The following LRBA variants were observed in gnomAD, a reference collection of about 807,000 sequenced individuals.
LRBA encodes LPS responsive beige-like anchor protein.
A neutral mutation model predicts 330.0 loss-of-function variants in LRBA; 176 were observed. That is an observed-to-expected ratio of 0.53 (90% CI 0.47 to 0.60). The LOEUF (loss-of-function observed/expected upper bound fraction) is 0.60. Ranked by LOEUF, LRBA falls within the 20% of genes least tolerant of loss-of-function variation. The pLI, the probability that LRBA is intolerant of heterozygous loss-of-function variation, is 0.00. For missense variants in LRBA, 3,259 were observed against 3,444.8 expected, an observed-to-expected ratio of 0.95 and a Z score of 1.35; for synonymous variants, 1,230 against 1,193.0, an observed-to-expected ratio of 1.03 and a Z score of -0.64.
rs192281560 is a variant in LRBA at position 150,817,116 on chromosome 4, T to G, written c.5305+8A>C. 1 of 1,609,596 alleles carries G rather than the reference T, an allele frequency of 6.2e-7. No homozygotes were observed. ...CATTTTTGTTGAAATCACTGATAACTAACTCACCTGGTGATTCTCCTCCCA... is the reference window on the plus strand; with the variant it reads ...CATTTTTGTTGAAATCACTGATAACGAACTCACCTGGTGATTCTCCTCCCA... On this transcript the variant is annotated splice_region_variant and intron_variant, in intron 31 of 56. Transcript: ENST00000651943.
rs1745204042 is a variant in LRBA at position 150,265,613 on chromosome 4, T to C, written c.*109A>G. The C allele has an allele frequency of 4.3e-6, 3 of 701,160 alleles. No homozygotes were observed. The Admixed American group carries it at 7.2e-5, about 17-fold the overall frequency. 43.4% of individuals were successfully genotyped at this position (701,160 alleles called of 1,614,324 possible). A position where few individuals can be genotyped will look rare whatever the true frequency, so the allele number is the denominator to read the frequency against. ...CAATTATTAATAACTTTAAAAAATA[T>C]TTTGCTTCTTTGAGCAAATTTAAGT... On this transcript the variant is annotated 3_prime_UTR_variant, in exon 57 of 57. Transcript: ENST00000651943.
At chr4:150,745,205 G>C (rs1732525424) in intron 35 of LRBA, among the ~76,000 whole-genome samples, 1 of 152,116 alleles carries the variant, frequency 6.6e-6, no homozygotes, top group African/African-American at 2.4e-5. Flanking sequence ...AGAAGATCCA[G>C]CTAAGCTGAG....
In LRBA at chr4:150,265,952, T is replaced by C. The variant is rs2126680807; in HGVS notation, c.8469-140A>G. 9.7e-6 allele frequency: 6 copies of C among 620,964 alleles called. No individual in the cohort carries two copies. The East Asian group carries it at 1.7e-4, about 18-fold the overall frequency. The allele number at this position is 620,964 out of a possible 1,614,324, so 38.5% of individuals were successfully genotyped here. A position where few individuals can be genotyped will look rare whatever the true frequency, so the allele number is the denominator to read the frequency against. On this transcript the variant is annotated intron_variant, in intron 56 of 56. Coordinates refer to ENST00000651943, the MANE Select transcript of LRBA (RefSeq NM_001364905.1). ...CAATTTGTGGGAACTAAGGTATGTA[T>C]TTCATGACTAAAATGTATCCCTGAG...
At chr4:150,418,899 GC>G (rs142482983) in intron 46 of LRBA, among the ~76,000 whole-genome samples, 32,816 of 151,956 alleles carry the variant, frequency 0.22, 4,390 homozygotes, top group Non-Finnish European at 0.31. Context: ...AGAGAGAGAA[GC>G]CAAACAGGCA....
chr4:150,457,576 G>T (rs573713582), intron 44 of LRBA, among the ~76,000 whole-genome samples: 1 of 151,870 alleles, frequency 6.6e-6, no homozygotes, highest in Non-Finnish European at 1.5e-5. Context: ...ATAAGAATCA[G>T]AAGTTGATAC....
intron 34 of LRBA, among the ~76,000 whole-genome samples, chr4:150,769,120 T>C (rs539147420): frequency 1.9e-4 from 29 of 151,902 alleles, no homozygotes; most frequent in Admixed American, 4.6e-4. Context: ...ATTATTATTA[T>C]TTTTAGTAGA....
At chr4:150,685,411 TATATA>T (rs1783487935) in intron 36 of LRBA, among the ~76,000 whole-genome samples, 1 of 19,828 alleles carries the variant, frequency 5.0e-5, no homozygotes, top group South Asian at 2.5e-3. Context: ...TATATATATA[TATATA>T]TATATTTTTT....
chr4:150,984,796 G>A (rs1406957611), intron 2 of LRBA, among the ~76,000 whole-genome samples: 1 of 152,008 alleles, frequency 6.6e-6, no homozygotes, highest in East Asian at 1.9e-4. Flanking sequence ...CCTTAAGGAA[G>A]GAGAAAGGCT....
At chr4:150,785,015 A>G (rs1167713540) in intron 34 of LRBA, among the ~76,000 whole-genome samples, 2 of 152,198 alleles carry the variant, frequency 1.3e-5, no homozygotes, top group Admixed American at 6.5e-5. Flanking sequence ...AAATTGCAAT[A>G]GAGAAAAAAT....
At position 150,497,130 on chromosome 4, in the gene LRBA, T is replaced by A. The variant is rs575519656; in HGVS notation, c.6331-6095A>T. On this transcript the variant is annotated intron_variant, in intron 40 of 56. Transcript: ENST00000651943. ...TAATTTGAACAAATAGCTTAAAGAATTTTAATCAAGTATTTTAAAGTTGCA... is the reference window on the plus strand; with the variant it reads ...TAATTTGAACAAATAGCTTAAAGAAATTTAATCAAGTATTTTAAAGTTGCA... Among the ~76,000 whole-genome samples, 3 of 152,260 alleles carry A rather than the reference T, an allele frequency of 2.0e-5. No homozygotes were observed. In the South Asian group the frequency reaches 6.2e-4, roughly 32 times the overall value.
At chr4:150,400,704 T>C (rs1745343148) in intron 47 of LRBA, among the ~76,000 whole-genome samples, 1 of 152,016 alleles carries the variant, frequency 6.6e-6, no homozygotes, top group Non-Finnish European at 1.5e-5. Context: ...AAAAATAAAA[T>C]TAGCTAGATG....
At chr4:150,793,084 CAA>C (rs1028271215) in intron 34 of LRBA, among the ~76,000 whole-genome samples, 3 of 131,226 alleles carry the variant, frequency 2.3e-5, no homozygotes, top group Non-Finnish European at 3.3e-5. Context: ...CCATCTCAAA[CAA>C]AAAAAAAAAA....
intron 22 of LRBA, among the ~76,000 whole-genome samples, chr4:150,860,155 C>T (rs1372141988): frequency 1.3e-5 from 2 of 151,992 alleles, no homozygotes; most frequent in Non-Finnish European, 2.9e-5. Flanking sequence ...TTGTATAAGC[C>T]TCATGAAACA....
chr4:150,417,004 C>T (rs1225157467), intron 46 of LRBA, among the ~76,000 whole-genome samples: 1 of 144,534 alleles, frequency 6.9e-6, no homozygotes. Context: ...GGAAGTTGGA[C>T]CAGGACTTGT....
chr4:150,948,979 T>C lies in LRBA; in HGVS notation c.217-19914A>G, dbSNP rs1736529837. ...TGGAGAAACTGGATAATTCGTATGT[T>C]GTTGGTGGGAATGTAAAATGACACA... On this transcript the variant is annotated intron_variant, in intron 2 of 56. Coordinates refer to ENST00000651943, the MANE Select transcript of LRBA (RefSeq NM_001364905.1). 2.0e-5 allele frequency among the ~76,000 whole-genome samples: 3 copies of C among 151,942 alleles called. No individual in the cohort carries two copies. In the South Asian group the frequency reaches 6.2e-4, roughly 32 times the overall value.
chr4:150,366,183 AT>A (rs766793035), intron 47 of LRBA, among the ~76,000 whole-genome samples: 26 of 151,978 alleles, frequency 1.7e-4, no homozygotes, highest in Admixed American at 1.6e-3. Flanking sequence ...CTGTTTTGAG[AT>A]TTTTTTTAAG....
At chr4:150,765,231 A>C (rs1231757876) in intron 34 of LRBA, among the ~76,000 whole-genome samples, 2 of 152,060 alleles carry the variant, frequency 1.3e-5, no homozygotes, top group Admixed American at 6.6e-5. Flanking sequence ...CTATGGAGAA[A>C]TGTAAAAAGA....
intron 47 of LRBA, among the ~76,000 whole-genome samples, chr4:150,407,484 G>C (rs1746365508): frequency 6.6e-6 from 1 of 151,922 alleles, no homozygotes; most frequent in Admixed American, 6.6e-5. Flanking sequence ...AAAACAACTA[G>C]ACAGAAAGTC....
chr4:150,405,044 T>A (rs944890319), intron 47 of LRBA, among the ~76,000 whole-genome samples: 1 of 152,086 alleles, frequency 6.6e-6, no homozygotes, highest in Non-Finnish European at 1.5e-5. Flanking sequence ...GTGGGAGGCA[T>A]TGGGTCATTC....
Sources: gnomAD v4.1 joint callset for allele counts (sites outside exome capture counted in the v4.1 genomes callset) on GRCh38, gnomAD v4.1.1 for gene constraint, MANE v1.5 for transcripts, NCBI Gene and HGNC (gene_info 2026-07-23, HGNC 2026-07-21) for gene names.